The following MACF1 variants were observed in gnomAD, a reference collection of about 807,000 sequenced individuals.
MACF1 encodes the protein microtubule-actin cross-linking factor 1.
In MACF1, 193 loss-of-function variants were observed where a neutral mutation model predicts 854.8. That is an observed-to-expected ratio of 0.23 (90% confidence interval 0.20 to 0.25). The LOEUF (loss-of-function observed/expected upper bound fraction) is 0.25, where lower values mean the gene tolerates loss of function less well. Ranked by LOEUF, MACF1 falls within the 10% of genes least tolerant of loss-of-function variation. MACF1 has a pLI of 1.00. For synonymous variants in MACF1, 3,185 were observed against 3,226.7 expected, an observed-to-expected ratio of 0.99 and a Z score of 0.44; for missense variants, 7,722 against 8,929.1, an observed-to-expected ratio of 0.86 and a Z score of 5.45.
chr1:39,420,885 A>ATTTTT (rs1643509071), intron 58 of MACF1, among the ~76,000 whole-genome samples: 1 of 99,200 alleles, frequency 1.0e-5, no homozygotes. Flanking sequence ...TTTTTTTTTG[A>ATTTTT]GATGGAGTCT....
chr1:39,324,056 CT>C (rs1238860238), intron 33 of MACF1, 136 bp from the exon 34 acceptor site: 1 of 835,086 alleles, frequency 1.2e-6, no homozygotes, highest in Admixed American at 3.1e-5. Context: ...CTAAATTATA[CT>C]TGGGGTTATT....
At chr1:39,432,716 T>G (rs1375129674) in intron 67 of MACF1, 62 bp downstream of exon 67, 8 of 1,496,768 alleles carry the variant, frequency 5.3e-6, no homozygotes, top group Non-Finnish European at 7.2e-6. Context: ...ACTAGGAGAG[T>G]TTCTGACTAT....
At chr1:39,424,275 A>T in intron 61 of MACF1, 81 bp downstream of exon 61, 1 of 1,225,932 alleles carries the variant, frequency 8.2e-7, no homozygotes, top group Non-Finnish European at 1.1e-6. Flanking sequence ...AAGTTCTTGG[A>T]TGATTCATAT....
intron 26 of MACF1, among the ~76,000 whole-genome samples, chr1:39,313,690 A>G (rs575211866): frequency 1.3e-5 from 2 of 152,150 alleles, no homozygotes; most frequent in South Asian, 2.1e-4. Flanking sequence ...TGATGCTCAA[A>G]ATTTCCCAAA....
chr1:39,464,739 C>T (rs1428437539), intron 94 of MACF1: 4 of 221,328 alleles, frequency 1.8e-5, no homozygotes, highest in Non-Finnish European at 3.6e-5. Context: ...CATGGTGAAA[C>T]ACCCTCTCTA....
intron 87 of MACF1, among the ~76,000 whole-genome samples, chr1:39,453,083 C>T (rs996921456): frequency 1.3e-5 from 2 of 152,098 alleles, no homozygotes; most frequent in Non-Finnish European, 2.9e-5. Context: ...AAAATGTTGA[C>T]TATTTCATCT....
At chr1:39,201,631 C>A (rs147546972), upstream of MACF1, among the ~76,000 whole-genome samples, 2 of 152,044 alleles carry the variant, frequency 1.3e-5, no homozygotes, top group African/African-American at 2.4e-5. Flanking sequence ...GGATTACAGG[C>A]GTGATTCACC....
chr1:39,127,920 GTAT>G (rs1379102899), intron 2 of MACF1, among the ~76,000 whole-genome samples: 1 of 151,938 alleles, frequency 6.6e-6, no homozygotes, highest in Admixed American at 6.6e-5. Context: ...ACTCTCTTTT[GTAT>G]TATTACAAAA....
intron 47 of MACF1, among the ~76,000 whole-genome samples, chr1:39,360,012 AATATATATATATATATAT>A (rs1188839648): frequency 0.018 from 523 of 28,756 alleles, 14 homozygotes; most frequent in African/African-American, 0.052. Flanking sequence ...AAAAAAAAAA[AATATATATATATATATAT>A]ATATATATAT....
chr1:39,411,655 G>A (rs1331799808), intron 58 of MACF1: 2 of 1,613,838 alleles, frequency 1.2e-6, no homozygotes, highest in African/African-American at 1.3e-5. Context: ...CACAGACTCA[G>A]TGCAGATGTT....
intron 58 of MACF1, among the ~76,000 whole-genome samples, chr1:39,398,017 G>A (rs1055740423): frequency 7.9e-5 from 12 of 152,028 alleles, no homozygotes; most frequent in African/African-American, 2.9e-4. Context: ...ACTTGTTCGA[G>A]CCACATAGCA....
chr1:39,468,008 A>G (rs986081059), intron 95 of MACF1: 3 of 152,250 alleles, frequency 2.0e-5, no homozygotes, highest in African/African-American at 7.2e-5. Flanking sequence ...TTAAAAAAAT[A>G]AAGTGACCTA....
At chr1:39,094,575 G>A (rs917123600) in intron 2 of MACF1, among the ~76,000 whole-genome samples, 2 of 151,834 alleles carry the variant, frequency 1.3e-5, no homozygotes, top group African/African-American at 2.4e-5. Flanking sequence ...AAAATTAGCC[G>A]GGCGTGGTGG....
intron 2 of MACF1, among the ~76,000 whole-genome samples, chr1:39,232,486 C>T (rs1200544133): frequency 6.6e-6 from 1 of 152,162 alleles, no homozygotes; most frequent in Non-Finnish European, 1.5e-5. Context: ...GCCTGTTTCA[C>T]TGGCTTTTCT....
Position 39,368,277 on chromosome 1 carries a change from A to C in MACF1, c.12901A>C (p.Lys4301Gln). The C allele has an allele frequency of 6.2e-7, 1 of 1,614,064 alleles. No homozygotes were observed. Among genetic ancestry groups the C allele is most frequent in the South Asian group, 1.1e-5 (1 of 91,076 alleles). The change falls in exon 50 of 101, where the codon AAA (lysine) becomes CAA (glutamine). Residue 4301 changes from lysine to glutamine, a missense_variant. Physicochemically the swap from Lys to Gln is moderately conservative, Grantham distance 53 (BLOSUM62 1). This residue lies in a region of MACF1 where 2,807 missense variants were observed against 3,235.8 expected (regional missense o/e 0.87). Coordinates refer to ENST00000564288, the MANE Select transcript of MACF1 (RefSeq NM_001394062.1). ...QHQDRVQNLR[K>Q]DFTELQKTVK... ...TCAGGACAGGGTACAGAATCTAAGA[A>C]AAGACTTCACAGAGCTACAGAAGAC...
chr1:39,331,946 G>A lies in MACF1; in HGVS notation c.5358G>A (p.Val1786=), dbSNP rs1350416987. 1 of 1,614,116 alleles carries A rather than the reference G, an allele frequency of 6.2e-7. No homozygotes were observed. ...CAAGAACAGGACACAGACTTACAGT[G>A]GAAGAGGCTGTAAGACATAATCTGA... ...VDPRTGHRLT[V]EEAVRHNLID... is the part of the protein sequence containing the mutation. Residue 1786 remains valine (V), a synonymous_variant, in exon 37 of 101, where the codon GTG becomes GTA. Transcript: ENST00000564288.
At chr1:39,258,058 T>A in intron 6 of MACF1, 30 bp downstream of exon 6, 1 of 1,573,136 alleles carries the variant, frequency 6.4e-7, no homozygotes, top group Non-Finnish European at 8.8e-7. Context: ...GAATTCCTGT[T>A]GCTTTGTTTG....
In MACF1 at chr1:39,335,710, T is replaced by A; in HGVS notation, c.9122T>A (p.Ile3041Asn). 1 of 1,613,384 alleles carries A rather than the reference T, an allele frequency of 6.2e-7. No individual in the cohort carries two copies. The highest frequency in any genetic ancestry group is 1.1e-5 in the South Asian group (1 of 90,824). ...TEMGFSITFK[I>N]EESSSQVVPQ... ...ATGGGATTTTCTATTACTTTTAAAA[T>A]TGAAGAGTCCTCTTCCCAAGTGGTA... Residue 3041 changes from isoleucine to asparagine, a missense_variant, in exon 37 of 101, where the codon ATT (isoleucine) becomes AAT (asparagine). Physicochemically the swap from Ile to Asn is moderately radical, Grantham distance 149. Coordinates refer to ENST00000564288, the MANE Select transcript of MACF1 (RefSeq NM_001394062.1).
intron 2 of MACF1, among the ~76,000 whole-genome samples, chr1:39,123,720 T>TTG (rs1217685946): frequency 2.2e-5 from 3 of 134,158 alleles, no homozygotes; most frequent in Non-Finnish European, 4.8e-5. Flanking sequence ...TTGTTTTGTT[T>TTG]TTTTTTTTTT....
Sources: allele counts gnomAD v4.1 joint callset (sites outside exome capture counted in the v4.1 genomes callset), GRCh38; gene constraint gnomAD v4.1.1; regional missense constraint gnomAD v4.1.1; transcripts MANE v1.5; gene names NCBI Gene and HGNC (gene_info 2026-07-23, HGNC 2026-07-21).